The following UTS2B variants were observed in gnomAD, a reference collection of about 807,000 sequenced individuals.
The protein encoded by UTS2B is urotensin-2B.
Under a neutral mutation model 19.2 loss-of-function variants are expected in UTS2B, and 21 were observed. That is an observed-to-expected ratio of 1.09 (90% CI 0.78 to 1.58). The LOEUF is 1.58. UTS2B is among the 40% of genes most tolerant of loss of function. UTS2B has a pLI of 0.00. For missense variants in UTS2B, 138 were observed against 130.3 expected (o/e 1.06, Z -0.29); for synonymous variants, 57 against 50.2 (o/e 1.14, Z -0.58).
At chr3:191,289,231 A>T (rs1716640253) in intron 4 of UTS2B, among the ~76,000 whole-genome samples, 1 of 151,990 alleles carries the variant, frequency 6.6e-6, no homozygotes, top group African/African-American at 2.4e-5. Context: ...AACATGGTGA[A>T]ACCCCATCTC....
At position 191,282,135 on chromosome 3, in the gene UTS2B, C is replaced by T. The variant is rs746121953; in HGVS notation, c.55G>A (p.Val19Met). The T allele has an allele frequency of 2.4e-5, 39 of 1,613,294 alleles. No individual in the cohort carries two copies. The highest frequency in any genetic ancestry group is 1.3e-4 in the African/African-American group (10 of 74,852). ...TGCACAGATTGTAAAAAACTCAACA[C>T]GGATAACAAAGTTAGGAGTCCAAAG... is the stretch of plus-strand genomic sequence containing the variant. The part of the protein sequence containing the change: ...VCFGLLTLLS[V>M]LSFLQSVHGR... The change falls in exon 5 of 9, where the codon GTG (valine) becomes ATG (methionine). Residue 19 changes from valine (V) to methionine (M), a missense_variant. By Grantham distance (21) the Val-to-Met change is conservative (BLOSUM62 1). Coordinates refer to ENST00000340524, the MANE Select transcript of UTS2B (RefSeq NM_198152.5).
intron 1 of UTS2B, chr3:191,329,423 T>A (rs1433270253): frequency 4.8e-6 from 2 of 420,020 alleles, no homozygotes; most frequent in South Asian, 9.2e-5. Context: ...TTGGTATCGA[T>A]TGGGGCCGGG....
At chr3:191,287,802 G>A (rs1388482796) in intron 4 of UTS2B, among the ~76,000 whole-genome samples, 1 of 151,728 alleles carries the variant, frequency 6.6e-6, no homozygotes, top group Non-Finnish European at 1.5e-5. Context: ...AGAACAATTA[G>A]AAAAAAAGAA....
At chr3:191,340,990 TA>T in the UTS2B span, among the ~76,000 whole-genome samples, 1 of 145,636 alleles carries the variant, frequency 6.9e-6, no homozygotes, top group Admixed American at 6.8e-5. Flanking sequence ...CCCAGCTAAT[TA>T]ATTTTTTTTT....
At chr3:191,289,664 A>C (rs1716660919) in intron 4 of UTS2B, among the ~76,000 whole-genome samples, 2 of 152,144 alleles carry the variant, frequency 1.3e-5, no homozygotes, top group African/African-American at 4.8e-5. Flanking sequence ...ATTATGTTCA[A>C]TAAAATAAAA....
At chr3:191,330,889 A>G (rs1407942330), upstream of UTS2B, among the ~76,000 whole-genome samples, 3 of 152,148 alleles carry the variant, frequency 2.0e-5, no homozygotes, top group Non-Finnish European at 1.5e-5. Flanking sequence ...TGATGGGCCT[A>G]GTTCTGTCTT....
chr3:191,274,965 T>C (rs1331141399), intron 8 of UTS2B, among the ~76,000 whole-genome samples: 1 of 152,266 alleles, frequency 6.6e-6, no homozygotes, highest in African/African-American at 2.4e-5. Context: ...TGGTCTTTGC[T>C]GCTTCAGTGT....
At chr3:191,324,714 G>A (rs375903058) in intron 2 of UTS2B, among the ~76,000 whole-genome samples, 14 of 152,256 alleles carry the variant, frequency 9.2e-5, no homozygotes, top group African/African-American at 2.6e-4. Flanking sequence ...TATTAGCAGC[G>A]TGAGAATAGG....
chr3:191,318,821 T>G (rs1426983316), intron 2 of UTS2B, among the ~76,000 whole-genome samples: 1 of 152,244 alleles, frequency 6.6e-6, no homozygotes, highest in Admixed American at 6.5e-5. Context: ...TTTTTGTTTT[T>G]GTTTTTGTTT....
intron 7 of UTS2B, among the ~76,000 whole-genome samples, chr3:191,275,654 A>T (rs545606942): frequency 5.3e-5 from 8 of 151,906 alleles, no homozygotes; most frequent in Non-Finnish European, 1.0e-4. Context: ...TACTTCTGCC[A>T]GGGCAACAGA....
chr3:191,318,720 C>G (rs1361899171), intron 2 of UTS2B, among the ~76,000 whole-genome samples: 3 of 152,222 alleles, frequency 2.0e-5, no homozygotes, highest in Admixed American at 1.3e-4. Context: ...ATCCACCCAC[C>G]TTGGCCTCCC....
intron 3 of UTS2B, 56 bp downstream of exon 3, chr3:191,315,980 T>C (rs1717436348): frequency 6.6e-6 from 1 of 152,332 alleles, no homozygotes; most frequent in South Asian, 2.1e-4. Flanking sequence ...TACAGTAGCA[T>C]GTGTTTATTT....
At chr3:191,331,469 T>G (rs1717982020), upstream of UTS2B, among the ~76,000 whole-genome samples, 1 of 152,236 alleles carries the variant, frequency 6.6e-6, no homozygotes, top group East Asian at 1.9e-4. Context: ...TCTAATACAT[T>G]TAAATTAGCT....
intron 3 of UTS2B, among the ~76,000 whole-genome samples, chr3:191,306,063 A>G (rs1485099448): frequency 9.9e-5 from 15 of 152,140 alleles, no homozygotes; most frequent in Admixed American, 9.8e-4. Context: ...TGTTTTGATT[A>G]CTGTTGCCCT....
At chr3:191,288,340 C>T (rs2603672) in intron 4 of UTS2B, among the ~76,000 whole-genome samples, 108,339 of 151,892 alleles carry the variant, frequency 0.71, 39,560 homozygotes, top group African/African-American at 0.89. Flanking sequence ...GGCAGAAAAA[C>T]GCTGGAGGCA....
At chr3:191,343,202 C>T in the UTS2B span, among the ~76,000 whole-genome samples, 1 of 152,226 alleles carries the variant, frequency 6.6e-6, no homozygotes, top group Non-Finnish European at 1.5e-5. Flanking sequence ...CTCACGTATA[C>T]CCAGGGATGA....
chr3:191,304,369 A>T (rs564100590), intron 4 of UTS2B, 123 bp downstream of exon 4: 1 of 152,304 alleles, frequency 6.6e-6, no homozygotes, highest in South Asian at 2.1e-4. Context: ...ACTCTGAAAT[A>T]TGTTGCTCAC....
At chr3:191,321,010 A>G (rs1717598012) in intron 2 of UTS2B, among the ~76,000 whole-genome samples, 1 of 152,230 alleles carries the variant, frequency 6.6e-6, no homozygotes, top group Non-Finnish European at 1.5e-5. Flanking sequence ...TAATGGGATT[A>G]AGACTTACAA....
At chr3:191,293,813 G>A (rs1338634954) in intron 4 of UTS2B, among the ~76,000 whole-genome samples, 1 of 151,890 alleles carries the variant, frequency 6.6e-6, no homozygotes, top group Admixed American at 6.5e-5. Context: ...AAGTAGAAGT[G>A]AGGGCCTGGT....
Sources: gnomAD v4.1 joint callset for allele counts (sites outside exome capture counted in the v4.1 genomes callset) on GRCh38, gnomAD v4.1.1 for gene constraint, MANE v1.5 for transcripts, NCBI Gene and HGNC (gene_info 2026-07-23, HGNC 2026-07-21) for gene names.